Variants in FAM149B1 observed in about 807,000 individuals in gnomAD.
FAM149B1 encodes family with sequence similarity 149 member B1.
A neutral mutation model predicts 75.3 loss-of-function variants in FAM149B1; 56 were observed. That is an observed-to-expected ratio of 0.74 (90% CI 0.60 to 0.93). The LOEUF is 0.93. Ranked by LOEUF, FAM149B1 falls within the 40% of genes least tolerant of loss-of-function variation. The probability of loss-of-function intolerance (pLI) is 0.00; values close to 1 mark genes in which losing one functional copy is unlikely to be tolerated. For synonymous variants in FAM149B1, 259 were observed against 256.1 expected (o/e 1.01, Z -0.11); for missense variants, 639 against 708.4 (o/e 0.90, Z 1.11).
chr10:73,205,334 CCA>C (rs35008025), intron 5 of FAM149B1, among the ~76,000 whole-genome samples: 23,193 of 150,676 alleles, frequency 0.15, 2,912 homozygotes, highest in African/African-American at 0.32. Context: ...CGGCACCTCT[CCA>C]CACACACACA....
chr10:73,233,828 A>G (rs1423807560), intron 10 of FAM149B1, among the ~76,000 whole-genome samples: 1 of 152,248 alleles, frequency 6.6e-6, no homozygotes, highest in Non-Finnish European at 1.5e-5. Context: ...TCACTCCAAA[A>G]TAATAGTTAA....
intron 1 of FAM149B1, among the ~76,000 whole-genome samples, chr10:73,171,434 C>T (rs1045924589): frequency 1.3e-5 from 2 of 151,990 alleles, no homozygotes; most frequent in Admixed American, 1.3e-4. Flanking sequence ...AGTTTTCTAC[C>T]TAGCCATTAA....
At chr10:73,193,013 A>T (rs2042718673) in intron 4 of FAM149B1, among the ~76,000 whole-genome samples, 1 of 152,194 alleles carries the variant, frequency 6.6e-6, no homozygotes, top group Admixed American at 6.5e-5. Context: ...TGTTGTATAC[A>T]ATTAAATTCT....
chr10:73,177,134 G>A (rs570028641), intron 2 of FAM149B1, among the ~76,000 whole-genome samples: 4 of 152,194 alleles, frequency 2.6e-5, no homozygotes, highest in African/African-American at 9.6e-5. Flanking sequence ...AACCCAGGAG[G>A]CGGAGGTTGC....
chr10:73,213,607 A>G (rs1402198258), intron 7 of FAM149B1, among the ~76,000 whole-genome samples: 3 of 152,190 alleles, frequency 2.0e-5, no homozygotes, highest in African/African-American at 7.2e-5. Context: ...TCCCCAGTGT[A>G]TATTTTTGTT....
At chr10:73,171,778 G>A (rs1485569282) in intron 1 of FAM149B1, among the ~76,000 whole-genome samples, 2 of 151,790 alleles carry the variant, frequency 1.3e-5, no homozygotes, top group South Asian at 2.1e-4. Flanking sequence ...ACAGGTGCCC[G>A]CCACCATGCC....
intron 7 of FAM149B1, among the ~76,000 whole-genome samples, chr10:73,220,733 ATC>A (rs913006013): frequency 3.2e-4 from 49 of 152,282 alleles, no homozygotes; most frequent in African/African-American, 1.2e-3. Context: ...GACAGCGGAG[ATC>A]TCTTTCTATT....
At chr10:73,208,562 C>A in intron 5 of FAM149B1, 57 bp from the exon 6 acceptor site, 1 of 1,245,278 alleles carries the variant, frequency 8.0e-7, no homozygotes, top group Non-Finnish European at 1.1e-6. Context: ...AACTGTGTTG[C>A]CATAAGAACT....
intron 5 of FAM149B1, among the ~76,000 whole-genome samples, chr10:73,195,179 A>G (rs544083649): frequency 1.1e-4 from 16 of 152,244 alleles, no homozygotes; most frequent in African/African-American, 3.9e-4. Flanking sequence ...CTTATTTGAT[A>G]CCTTCCAATA....
intron 6 of FAM149B1, among the ~76,000 whole-genome samples, chr10:73,209,248 A>G (rs2043133533): frequency 1.3e-5 from 2 of 152,164 alleles, no homozygotes; most frequent in African/African-American, 4.8e-5. Context: ...CAGGAGTTTG[A>G]GACTAGCCTG....
At chr10:73,231,036 C>CT (rs1409712943) in intron 9 of FAM149B1, 1 of 153,210 alleles carries the variant, frequency 6.5e-6, no homozygotes, top group Non-Finnish European at 1.5e-5. Context: ...TGACAATCTT[C>CT]TAGAATTAAA....
At chr10:73,223,774 C>T (rs1162919754) in intron 7 of FAM149B1, among the ~76,000 whole-genome samples, 10 of 151,100 alleles carry the variant, frequency 6.6e-5, no homozygotes, top group African/African-American at 9.7e-5. Flanking sequence ...ATAGGACTAG[C>T]ACTCTCTTTA....
chr10:73,227,062 CTA>C (rs2043569394), intron 7 of FAM149B1, among the ~76,000 whole-genome samples: 1 of 152,050 alleles, frequency 6.6e-6, no homozygotes, highest in African/African-American at 2.4e-5. Flanking sequence ...GTTTTAAAGT[CTA>C]AATTAATGAA....
At chr10:73,208,025 A>C (rs1382117207) in intron 5 of FAM149B1, among the ~76,000 whole-genome samples, 1 of 152,256 alleles carries the variant, frequency 6.6e-6, no homozygotes, top group Admixed American at 6.5e-5. Context: ...AGCCAAGGGC[A>C]GGATGCCCAA....
chr10:73,202,158 C>CT (rs761150120), intron 5 of FAM149B1, among the ~76,000 whole-genome samples: 3 of 152,142 alleles, frequency 2.0e-5, no homozygotes, highest in Non-Finnish European at 4.4e-5. Flanking sequence ...GAGCGAGACT[C>CT]TGTCTCAAAA....
rs2043979985 is a variant in FAM149B1 at position 73,243,902 on chromosome 10, T to C, written c.*2883T>C. The C allele has an allele frequency of 6.2e-7, 1 of 1,614,146 alleles. No individual in the cohort carries two copies. On this transcript the variant is annotated 3_prime_UTR_variant, in exon 14 of 14. Coordinates refer to ENST00000242505, the MANE Select transcript of FAM149B1 (RefSeq NM_173348.2). ...TCAAGCCCCAACTCCTTTCTGCTCA[T>C]TTCTGCTTCTTTGGCCTCTTCCTGA...
At chr10:73,225,332 C>T (rs374593844) in intron 7 of FAM149B1, among the ~76,000 whole-genome samples, 1 of 152,090 alleles carries the variant, frequency 6.6e-6, no homozygotes, top group African/African-American at 2.4e-5. Flanking sequence ...GAAGACCTTC[C>T]GGTGGGACAG....
At chr10:73,192,527 A>C (rs1301500626) in intron 3 of FAM149B1, 29 bp from the exon 4 acceptor site, 1 of 1,546,732 alleles carries the variant, frequency 6.5e-7, no homozygotes, top group African/African-American at 1.4e-5. Context: ...CAGCTCACCT[A>C]AATATTTGGG....
chr10:73,239,551 A>G (rs2043896399), intron 13 of FAM149B1, among the ~76,000 whole-genome samples, 167 bp downstream of exon 13: 1 of 152,200 alleles, frequency 6.6e-6, no homozygotes, highest in Non-Finnish European at 1.5e-5. Flanking sequence ...ATGGGGTATA[A>G]TAAAAAGCTA....
Sources: gnomAD v4.1 joint callset for allele counts (sites outside exome capture counted in the v4.1 genomes callset) on GRCh38, gnomAD v4.1.1 for gene constraint, MANE v1.5 for transcripts, NCBI Gene and HGNC (gene_info 2026-07-23, HGNC 2026-07-21) for gene names.